HK3: variants seen among roughly 807,000 people sequenced by gnomAD.
The protein encoded by HK3 is hexokinase-3.
A neutral mutation model predicts 91.0 loss-of-function variants in HK3; 93 were observed. That is an observed-to-expected ratio of 1.02 (90% CI 0.86 to 1.21). HK3 has a LOEUF of 1.21. Among genes scored for constraint, HK3 ranks in the 50% most tolerant of loss-of-function variants. The pLI is 0.00. For missense variants in HK3, 1,235 were observed against 1,247.4 expected, an observed-to-expected ratio of 0.99 and a Z score of 0.15; for synonymous variants, 519 against 516.9, an observed-to-expected ratio of 1.00 and a Z score of -0.06.
At chr5:176,888,021 C>G (rs1758649550) in intron 10 of HK3, among the ~76,000 whole-genome samples, 1 of 152,170 alleles carries the variant, frequency 6.6e-6, no homozygotes, top group Non-Finnish European at 1.5e-5. Flanking sequence ...CCACCTCAGC[C>G]TCCCAGTGTT....
At chr5:176,893,004 G>C (rs1037061627) in intron 2 of HK3, among the ~76,000 whole-genome samples, 4 of 152,234 alleles carry the variant, frequency 2.6e-5, no homozygotes, top group African/African-American at 9.6e-5. Flanking sequence ...ACAAGGGAAA[G>C]AGAAGCTGAA....
At chr5:176,890,966 G>C in intron 4 of HK3, 25 bp from the exon 5 acceptor site, 1 of 1,613,976 alleles carries the variant, frequency 6.2e-7, no homozygotes, top group South Asian at 1.1e-5. Flanking sequence ...GGGGGGCTCA[G>C]CCTTGCCCAT....
rs1758408082 is a variant in HK3, at chr5:176,880,993, G to A, written c.*80C>T. 3 of 1,465,438 alleles carry A rather than the reference G, an allele frequency of 2.0e-6. No individual in the cohort carries two copies. Among genetic ancestry groups the A allele is most frequent in the Non-Finnish European group, 2.7e-6 (3 of 1,102,844 alleles). 90.8% of individuals were successfully genotyped at this position (1,465,438 alleles called of 1,614,324 possible). ...GATGTCCCAGGAGTCCTGGGTGGCT[G>A]GGCCTGGCTGGGAAACAGGCAGACC... On this transcript the variant is annotated 3_prime_UTR_variant, in exon 19 of 19. Coordinates refer to ENST00000292432, the MANE Select transcript of HK3 (RefSeq NM_002115.3).
chr5:176,897,979 C>T (rs691541), intron 1 of HK3, among the ~76,000 whole-genome samples: 14,075 of 152,256 alleles, frequency 0.092, 1,320 homozygotes, highest in African/African-American at 0.24. Flanking sequence ...CTGTTCTCCA[C>T]CTTGACTGGA....
At chr5:176,890,967 C>A (rs768767846) in intron 4 of HK3, 26 bp from the exon 5 acceptor site, 6 of 1,613,970 alleles carry the variant, frequency 3.7e-6, no homozygotes, top group Non-Finnish European at 5.1e-6. Flanking sequence ...GGGGGCTCAG[C>A]CTTGCCCATC....
At chr5:176,890,573 C>A (rs941063392) in intron 6 of HK3, 62 bp downstream of exon 6, 2 of 1,410,198 alleles carry the variant, frequency 1.4e-6, no homozygotes, top group African/African-American at 1.4e-5. Context: ...CCAGACCCAA[C>A]GCATGTGTGC....
At chr5:176,882,497 C>A (rs1758466256) in intron 15 of HK3, among the ~76,000 whole-genome samples, 1 of 152,214 alleles carries the variant, frequency 6.6e-6, no homozygotes, top group Non-Finnish European at 1.5e-5. Flanking sequence ...GCCTGCCAGG[C>A]CCTTAATCCA....
Position 176,882,471 on chromosome 5 carries a change from G to A in HK3, c.2054-344C>T, listed in dbSNP as rs534183150. 7.2e-5 allele frequency among the ~76,000 whole-genome samples: 11 copies of A among 152,314 alleles called. No individual in the cohort carries two copies. In the South Asian group the frequency reaches 8.3e-4, roughly 11 times the overall value. ...CCTAGCTCTCTGCGGTTGAGAGGCC[G>A]AAGCTCCCTGGACCGGCCTGCCAGG... On this transcript the variant is annotated intron_variant, in intron 15 of 18. Coordinates refer to ENST00000292432, the MANE Select transcript of HK3 (RefSeq NM_002115.3).
rs1438970005 is a variant in HK3 at position 176,887,584 on chromosome 5, T to G, written c.1467A>C (p.Pro489=). The change falls in exon 11 of 19, where the codon CCA becomes CCC. Residue 489 remains proline, a synonymous_variant. Coordinates refer to ENST00000292432, the MANE Select transcript of HK3 (RefSeq NM_002115.3). The surrounding 1 kb of genome is among the most constrained non-coding windows in gnomAD (Gnocchi z 4.9). ...CCAGTTGATCATGGTTCAACCGGAA[T>G]GGGGCCAGGGTCTCCTCCAGCAGGC... ...HRRLLEETLA[P]FRLNHDQLAA... 2 of 1,613,768 alleles carry G rather than the reference T, an allele frequency of 1.2e-6. No homozygotes were observed.
At chr5:176,894,319 G>C (rs1301306497) in intron 2 of HK3, among the ~76,000 whole-genome samples, 2 of 152,242 alleles carry the variant, frequency 1.3e-5, no homozygotes, top group Non-Finnish European at 2.9e-5. Flanking sequence ...GGTAAGGCCT[G>C]TGGTGCTGAG....
chr5:176,896,234 C>A, intron 1 of HK3, 49 bp from the exon 2 acceptor site: 1 of 1,085,884 alleles, frequency 9.2e-7, no homozygotes, highest in Non-Finnish European at 1.3e-6. Context: ...TCTATAGGCC[C>A]TAGGAGTCTG....
chr5:176,883,795 G>T lies in HK3; in HGVS notation c.2028C>A (p.Pro676=). The T allele has an allele frequency of 6.2e-7, 1 of 1,613,992 alleles. No homozygotes were observed. Among genetic ancestry groups the T allele is most frequent in the Non-Finnish European group, 8.5e-7 (1 of 1,179,956 alleles). The change falls in exon 15 of 19, where the codon CCC becomes CCA. Residue 676 remains proline, a synonymous_variant. Coordinates refer to ENST00000292432, the MANE Select transcript of HK3 (RefSeq NM_002115.3). ...CGACAATGAGGCCTATCTCGCAACG[G>T]GGGTCCTCATAGCCACAGGACATCA... is the stretch of plus-strand genomic sequence containing the variant. ...GTMMSCGYED[P]RCEIGLIVGT...
chr5:176,896,009 G>A (rs181272909), intron 2 of HK3, 55 bp downstream of exon 2: 25 of 1,454,666 alleles, frequency 1.7e-5, no homozygotes, highest in Non-Finnish European at 2.3e-5. Context: ...CTTCAGTCAC[G>A]CTGCTCTTGA....
chr5:176,889,618 T>G (rs1347295809), intron 7 of HK3, 27 bp downstream of exon 7: 1 of 1,614,080 alleles, frequency 6.2e-7, no homozygotes, highest in East Asian at 2.2e-5. Context: ...ACCCTCCACC[T>G]GTCATCACAA....
rs757069026 is a variant in HK3 at position 176,888,424 on chromosome 5, G to T, written c.1212C>A (p.Ala404=). 3 of 1,560,640 alleles carry T rather than the reference G, an allele frequency of 1.9e-6. No homozygotes were observed. Among genetic ancestry groups the T allele is most frequent in the Non-Finnish European group, 2.6e-6 (3 of 1,151,824 alleles). Residue 404 remains alanine (A), a synonymous_variant, in exon 10 of 19, where the codon GCC becomes GCA. Coordinates refer to ENST00000292432, the MANE Select transcript of HK3 (RefSeq NM_002115.3). ...RAAQLCAAAL[A]AVLSCLQHSR... The stretch of plus-strand genomic sequence containing the variant: ...TGTGCTGGAGGCAGGAGAGAACAGC[G>T]GCCAGGGCGGCAGCACAGAGCTGGG...
intron 2 of HK3, among the ~76,000 whole-genome samples, chr5:176,892,441 G>A (rs1245798096): frequency 1.3e-5 from 2 of 152,034 alleles, no homozygotes; most frequent in African/African-American, 4.8e-5. Flanking sequence ...CAGGTGAGAA[G>A]GCAGGGAAGG....
At position 176,899,309 on chromosome 5, in the gene HK3, CTT is replaced by C. The variant is rs1456843977; in HGVS notation, c.-71_-70del. 7 of 152,366 alleles carry C rather than the reference CTT, an allele frequency of 4.6e-5. No individual in the cohort carries two copies. Among genetic ancestry groups the C allele is most frequent in the African/African-American group, 1.7e-4 (7 of 41,552 alleles). The allele number at this position is 152,366 out of a possible 1,614,324, so 9.4% of individuals were successfully genotyped here. ...TAGTCACTCTCCTCAGGTCTGAGCT[CTT>C]GTCTGGCAATATGAGGCACCCCAAT... is the stretch of plus-strand genomic sequence containing the variant. On this transcript the variant is annotated 5_prime_UTR_variant, in exon 1 of 19. Coordinates refer to ENST00000292432, the MANE Select transcript of HK3 (RefSeq NM_002115.3).
chr5:176,893,771 G>A (rs1204005812), intron 2 of HK3, among the ~76,000 whole-genome samples: 3 of 152,176 alleles, frequency 2.0e-5, no homozygotes, highest in African/African-American at 7.2e-5. Flanking sequence ...CAGCAGAACT[G>A]CAAGAAAGAC....
At chr5:176,898,906 A>G (rs868434684) in intron 1 of HK3, among the ~76,000 whole-genome samples, 26 of 152,232 alleles carry the variant, frequency 1.7e-4, no homozygotes, top group Admixed American at 5.2e-4. Flanking sequence ...GCTGAGGCAG[A>G]CAGACTGCTT....
Sources: gnomAD v4.1 joint callset for allele counts (sites outside exome capture counted in the v4.1 genomes callset) on GRCh38, gnomAD v4.1.1 for gene constraint, Gnocchi (gnomAD v3.1) non-coding constraint, MANE v1.5 for transcripts, NCBI Gene and HGNC (gene_info 2026-07-23, HGNC 2026-07-21) for gene names.